CAPN7: variants seen among roughly 807,000 people sequenced by gnomAD.
CAPN7 encodes calpain-7.
A neutral mutation model predicts 115.2 loss-of-function variants in CAPN7; 72 were observed. The observed-to-expected ratio is 0.63, with a 90% CI of 0.52 to 0.76. The LOEUF is 0.76. Ranked by LOEUF, CAPN7 falls within the 30% of genes least tolerant of loss-of-function variation. The probability of loss-of-function intolerance (pLI) is 0.00; values close to 1 mark genes in which losing one functional copy is unlikely to be tolerated. For synonymous variants in CAPN7, 344 were observed against 322.3 expected (o/e 1.07, Z -0.72); for missense variants, 905 against 971.5 (o/e 0.93, Z 0.91).
At chr3:15,234,377 T>C (rs1467128697) in intron 11 of CAPN7, among the ~76,000 whole-genome samples, 2 of 152,198 alleles carry the variant, frequency 1.3e-5, no homozygotes, top group African/African-American at 2.4e-5. Flanking sequence ...GAATAGAGAT[T>C]GCAGAAGTTG....
chr3:15,247,730 A>G (rs963917322), intron 19 of CAPN7, among the ~76,000 whole-genome samples: 1 of 152,202 alleles, frequency 6.6e-6, no homozygotes, highest in Non-Finnish European at 1.5e-5. Context: ...CAGCTTCTAG[A>G]TGATAATGCA....
At chr3:15,232,476 G>C (rs779063641) in intron 9 of CAPN7, 43 bp from the exon 10 acceptor site, 1 of 1,499,138 alleles carries the variant, frequency 6.7e-7, no homozygotes, top group Non-Finnish European at 9.0e-7. Context: ...AGGATTTTAA[G>C]ATATTTTGTG....
At chr3:15,237,701 G>T (rs1204922076) in intron 12 of CAPN7, among the ~76,000 whole-genome samples, 2 of 152,072 alleles carry the variant, frequency 1.3e-5, no homozygotes, top group East Asian at 3.8e-4. Flanking sequence ...TGGGCACCGT[G>T]GGTCACCCCT....
chr3:15,237,697 C>G (rs1575223454), intron 12 of CAPN7, among the ~76,000 whole-genome samples: 2 of 152,094 alleles, frequency 1.3e-5, no homozygotes, highest in East Asian at 3.8e-4. Context: ...TGGCTGGGCA[C>G]CGTGGGTCAC....
intron 5 of CAPN7, among the ~76,000 whole-genome samples, chr3:15,221,347 T>A (rs1347487220): frequency 2.5e-5 from 2 of 79,032 alleles, no homozygotes; most frequent in African/African-American, 1.3e-4. Context: ...ATCTGACTAA[T>A]TTTTTTTTTT....
chr3:15,214,952 G>A (rs1197138642), intron 2 of CAPN7, among the ~76,000 whole-genome samples: 1 of 152,216 alleles, frequency 6.6e-6, no homozygotes, highest in East Asian at 1.9e-4. Flanking sequence ...CTGGGTAGAG[G>A]CCAAGGCTGT....
chr3:15,208,310 C>A (rs1009785668), intron 1 of CAPN7, among the ~76,000 whole-genome samples: 2 of 149,862 alleles, frequency 1.3e-5, no homozygotes, highest in African/African-American at 5.0e-5. Context: ...TAAGAGACAG[C>A]GTCTTGCCCT....
rs140164718 is a variant in CAPN7, at chr3:15,223,478, A to G, written c.642A>G (p.Thr214=). 5.1e-4 allele frequency: 824 copies of G among 1,600,216 alleles called. 8 individuals carry two copies. In the African/African-American group the frequency reaches 9.7e-3, roughly 19 times the overall value. Reference sequence around the variant, plus strand: ...GTTTTTTTCTCGTGTTTGATAGGACAACATCAAAAATAAATGGTATAGAAT... The same window carrying G: ...GTTTTTTTCTCGTGTTTGATAGGACGACATCAAAAATAAATGGTATAGAAT... ...YTAEEIEVLR[T]TSKINGIEYV... Residue 214 remains threonine, a synonymous_variant, in exon 6 of 21, where the codon ACA becomes ACG. Transcript: ENST00000253693.
At chr3:15,217,964 T>G (rs1693738450) in intron 3 of CAPN7, among the ~76,000 whole-genome samples, 1 of 152,234 alleles carries the variant, frequency 6.6e-6, no homozygotes, top group African/African-American at 2.4e-5. Context: ...GTGTAAAATC[T>G]GTATGCTGAG....
chr3:15,214,739 C>T (rs1487677959), intron 2 of CAPN7, among the ~76,000 whole-genome samples: 1 of 152,134 alleles, frequency 6.6e-6, no homozygotes, highest in African/African-American at 2.4e-5. Context: ...GTAAAATTAA[C>T]CGTCGTAGTA....
intron 9 of CAPN7, among the ~76,000 whole-genome samples, chr3:15,231,400 TAAAG>T (rs1694678234): frequency 6.6e-6 from 1 of 152,204 alleles, no homozygotes; most frequent in Non-Finnish European, 1.5e-5. Context: ...ACTTAAAAAG[TAAAG>T]AAAATTATTG....
In CAPN7 at chr3:15,228,842, C is replaced by T. The variant is rs115560872; in HGVS notation, c.853-132C>T. On this transcript the variant is annotated intron_variant, in intron 7 of 20. Transcript: ENST00000253693. ...CTATGTTACCTTCCACATGTACCCCCGAACCTAAAATAGAAGTTTTAAGAA... is the reference window on the plus strand; with the variant it reads ...CTATGTTACCTTCCACATGTACCCCTGAACCTAAAATAGAAGTTTTAAGAA... 1,992 of 647,128 alleles carry T rather than the reference C, an allele frequency of 3.1e-3. 34 individuals are homozygous for T. In the African/African-American group the frequency reaches 0.032, roughly 10 times the overall value. 40.1% of individuals were successfully genotyped at this position (647,128 alleles called of 1,614,324 possible).
chr3:15,234,614 G>T (rs1011137434), intron 11 of CAPN7, among the ~76,000 whole-genome samples: 4 of 152,158 alleles, frequency 2.6e-5, no homozygotes, highest in African/African-American at 9.7e-5. Flanking sequence ...GCCTTAAATG[G>T]ATAATCCATA....
chr3:15,220,191 C>T (rs775267151), intron 4 of CAPN7, among the ~76,000 whole-genome samples: 2 of 151,496 alleles, frequency 1.3e-5, no homozygotes, highest in Non-Finnish European at 2.9e-5. Flanking sequence ...CAGAGTGAAA[C>T]GCCGTCTCAA....
At chr3:15,207,975 G>T (rs1218542892) in intron 1 of CAPN7, among the ~76,000 whole-genome samples, 1 of 152,156 alleles carries the variant, frequency 6.6e-6, no homozygotes, top group Non-Finnish European at 1.5e-5. Flanking sequence ...GTGTGTGGTA[G>T]ACTTTTACAC....
At chr3:15,233,043 G>C (rs1436445864) in intron 10 of CAPN7, among the ~76,000 whole-genome samples, 1 of 152,182 alleles carries the variant, frequency 6.6e-6, no homozygotes, top group Admixed American at 6.5e-5. Flanking sequence ...GTGTCTTCCA[G>C]TGACCTTTTG....
intron 2 of CAPN7, among the ~76,000 whole-genome samples, chr3:15,217,193 A>AGCT (rs1256043518): frequency 6.6e-6 from 1 of 151,960 alleles, no homozygotes; most frequent in East Asian, 1.9e-4. Flanking sequence ...GGCTGCAGTC[A>AGCT]GCTGTGATTG....
chr3:15,239,122 T>C (rs909205958), intron 12 of CAPN7, among the ~76,000 whole-genome samples: 5 of 152,174 alleles, frequency 3.3e-5, no homozygotes, highest in Non-Finnish European at 7.3e-5. Context: ...ACACATACAG[T>C]GTAGAAGATA....
chr3:15,235,050 A>G lies in CAPN7; in HGVS notation c.1312A>G (p.Thr438Ala). ...ATTTCACAAAGGAGATGTCCTCATCACTGCGTCAACTGGAATGATGACAGA... is the reference window on the plus strand; with the variant it reads ...ATTTCACAAAGGAGATGTCCTCATCGCTGCGTCAACTGGAATGATGACAGA... Reference protein sequence around the residue: ...QRFHKGDVLITASTGMMTEAE... With the variant: ...QRFHKGDVLIAASTGMMTEAE... Residue 438 changes from threonine to alanine, a missense_variant, in exon 12 of 21, where the codon ACT becomes GCT. Transcript: ENST00000253693. The G allele has an allele frequency of 6.2e-7, 1 of 1,613,180 alleles. No homozygotes were observed. The highest frequency in any genetic ancestry group is 8.5e-7 in the Non-Finnish European group (1 of 1,179,352).
Sources: gnomAD v4.1 joint callset for allele counts (sites outside exome capture counted in the v4.1 genomes callset) on GRCh38, gnomAD v4.1.1 for gene constraint, MANE v1.5 for transcripts, NCBI Gene and HGNC (gene_info 2026-07-23, HGNC 2026-07-21) for gene names.